ABL2: variants seen among roughly 807,000 people sequenced by gnomAD.
The protein encoded by ABL2 is tyrosine-protein kinase ABL2.
ABL2 carries 49 observed loss-of-function variants against 107.7 expected under a neutral mutation model. The observed-to-expected ratio is 0.45, with a 90% CI of 0.36 to 0.58. The LOEUF (loss-of-function observed/expected upper bound fraction) is 0.58, where lower values mean the gene tolerates loss of function less well. ABL2 is among the 20% of genes least tolerant of loss of function. The pLI, the probability that ABL2 is intolerant of heterozygous loss-of-function variation, is 0.00. For missense variants in ABL2, 1,245 were observed against 1,457.0 expected (o/e 0.85, Z 2.37); for synonymous variants, 549 against 548.6 (o/e 1.00, Z -0.01).
intron 4 of ABL2, among the ~76,000 whole-genome samples, chr1:179,122,725 C>T (rs1218165637): frequency 6.6e-6 from 1 of 152,048 alleles, no homozygotes; most frequent in Non-Finnish European, 1.5e-5. Flanking sequence ...ATGACCTCAG[C>T]TCACTGCAAC....
intron 10 of ABL2, 64 bp from the exon 11 acceptor site, chr1:179,110,519 T>A: frequency 6.5e-7 from 1 of 1,546,984 alleles, no homozygotes; most frequent in Non-Finnish European, 8.7e-7. Flanking sequence ...GGAGTTCTTT[T>A]CAGAAAAGGC....
chr1:179,101,472 G>C lies in ABL2; in HGVS notation c.*6246C>G. ...GCTCACTGCAACCTCCGCCTCCTGG[G>C]TTCAAGCAATTCTGCCTCAGCCTCG... On this transcript the variant is annotated 3_prime_UTR_variant, in exon 12 of 12. Transcript: ENST00000502732. 1 of 177,592 alleles carries C rather than the reference G, an allele frequency of 5.6e-6. No individual in the cohort carries two copies. Among genetic ancestry groups the C allele is most frequent in the Non-Finnish European group, 1.2e-5 (1 of 82,802 alleles). The allele number at this position is 177,592 out of a possible 1,614,324, so 11.0% of individuals were successfully genotyped here.
At chr1:179,183,066 G>A (rs1660472075) in intron 1 of ABL2, among the ~76,000 whole-genome samples, 1 of 152,048 alleles carries the variant, frequency 6.6e-6, no homozygotes, top group Non-Finnish European at 1.5e-5. Context: ...CCAGGCCAGA[G>A]TGCAGTGGCA....
intron 1 of ABL2, among the ~76,000 whole-genome samples, chr1:179,216,046 TC>T (rs1022655668): frequency 5.9e-5 from 9 of 152,210 alleles, no homozygotes; most frequent in Non-Finnish European, 1.3e-4. Flanking sequence ...TTTGAACACT[TC>T]TTCTCCCTAG....
chr1:179,184,827 T>C (rs1660591386), intron 1 of ABL2, among the ~76,000 whole-genome samples: 1 of 152,172 alleles, frequency 6.6e-6, no homozygotes, highest in Non-Finnish European at 1.5e-5. Flanking sequence ...TACACCATGA[T>C]TCTCAACTTA....
At chr1:179,199,582 T>C (rs899790735) in intron 1 of ABL2, among the ~76,000 whole-genome samples, 4 of 152,204 alleles carry the variant, frequency 2.6e-5, no homozygotes, top group African/African-American at 7.2e-5. Context: ...TGGTAGAAGT[T>C]TTATATACAG....
At chr1:179,165,019 T>C (rs1337863306) in intron 1 of ABL2, among the ~76,000 whole-genome samples, 1 of 152,144 alleles carries the variant, frequency 6.6e-6, no homozygotes, top group Admixed American at 6.5e-5. Flanking sequence ...TAGTAGAAGT[T>C]AGGTGAATGT....
At chr1:179,204,696 A>G (rs577786222) in intron 1 of ABL2, among the ~76,000 whole-genome samples, 1 of 152,136 alleles carries the variant, frequency 6.6e-6, no homozygotes, top group East Asian at 2.0e-4. Context: ...ACAGTGAACC[A>G]AGATCACGCC....
intron 10 of ABL2, 102 bp downstream of exon 10, chr1:179,112,207 A>G: frequency 9.9e-7 from 1 of 1,013,006 alleles, no homozygotes. Flanking sequence ...CAGAGTCTCA[A>G]ACTCCACAAA....
chr1:179,171,727 T>C (rs1025106623), intron 1 of ABL2, among the ~76,000 whole-genome samples: 4 of 152,192 alleles, frequency 2.6e-5, no homozygotes, highest in Non-Finnish European at 5.9e-5. Flanking sequence ...TCTCACTCTG[T>C]TGTCCAAACC....
Position 179,102,692 on chromosome 1 carries a change from G to A in ABL2, c.*5026C>T, listed in dbSNP as rs1161072648. On this transcript the variant is annotated 3_prime_UTR_variant, in exon 12 of 12. Coordinates refer to ENST00000502732, the MANE Select transcript of ABL2 (RefSeq NM_007314.4). ...AATATGAACTCCTGGTAGGGGCACA[G>A]CCTGATAACAAGAATGACATCAGTA... The A allele has an allele frequency of 4.3e-6, 1 of 230,358 alleles. No homozygotes were observed. Among genetic ancestry groups the A allele is most frequent in the Non-Finnish European group, 8.6e-6 (1 of 116,362 alleles). The allele number at this position is 230,358 out of a possible 1,614,324, so 14.3% of individuals were successfully genotyped here. A position where few individuals can be genotyped will look rare whatever the true frequency, so the allele number is the denominator to read the frequency against.
chr1:179,134,731 TC>T (rs1656682091), intron 1 of ABL2, among the ~76,000 whole-genome samples: 1 of 128,000 alleles, frequency 7.8e-6, no homozygotes, highest in African/African-American at 2.8e-5. Context: ...TCCCTCTCCC[TC>T]TCCACGGTCG....
intron 1 of ABL2, among the ~76,000 whole-genome samples, chr1:179,133,859 T>A (rs920083030): frequency 1.3e-5 from 2 of 152,170 alleles, no homozygotes; most frequent in African/African-American, 4.8e-5. Flanking sequence ...TAACAATATA[T>A]TGTAATAAAA....
intron 9 of ABL2, among the ~76,000 whole-genome samples, chr1:179,114,530 A>AC (rs11369185): frequency 0.69 from 105,578 of 152,076 alleles, 37,484 homozygotes; most frequent in African/African-American, 0.85. Flanking sequence ...CTGTTTATCT[A>AC]CACAGAGGTT....
chr1:179,209,342 C>G (rs1415229742), intron 1 of ABL2, among the ~76,000 whole-genome samples: 2 of 152,204 alleles, frequency 1.3e-5, no homozygotes, highest in Non-Finnish European at 2.9e-5. Context: ...CTCTGTCCAT[C>G]AGACTTCTAC....
rs917080487 is a variant in ABL2 at position 179,131,218 on chromosome 1, A to G, written c.391+93T>C. Reference sequence around the variant, plus strand: ...CTTGGCCTCCCAAAGTGCTGAGATTATAGGTGTGAGCCACTGTGCCTGGCC... The same window carrying G: ...CTTGGCCTCCCAAAGTGCTGAGATTGTAGGTGTGAGCCACTGTGCCTGGCC... On this transcript the variant is annotated intron_variant, in intron 3 of 11. Transcript: ENST00000502732. 2.5e-5 allele frequency: 35 copies of G among 1,387,272 alleles called. No homozygotes were observed. In the East Asian group the frequency reaches 7.8e-4, roughly 31 times the overall value. The allele number at this position is 1,387,272 out of a possible 1,614,324, so 85.9% of individuals were successfully genotyped here.
chr1:179,159,876 G>A (rs189381853), intron 1 of ABL2, among the ~76,000 whole-genome samples: 2 of 152,272 alleles, frequency 1.3e-5, no homozygotes, highest in East Asian at 3.9e-4. Context: ...CACTTTGGGA[G>A]GCCAAGGTGG....
intron 1 of ABL2, among the ~76,000 whole-genome samples, chr1:179,213,192 A>T (rs913301082): frequency 3.9e-5 from 6 of 152,140 alleles, no homozygotes; most frequent in African/African-American, 1.4e-4. Context: ...TAATCAATAT[A>T]AAAAAATTAA....
At chr1:179,197,183 C>T (rs1661365450) in intron 1 of ABL2, among the ~76,000 whole-genome samples, 1 of 151,640 alleles carries the variant, frequency 6.6e-6, no homozygotes, top group African/African-American at 2.4e-5. Context: ...TTTCTGGAAG[C>T]ACAAAAAATT....
Sources: gnomAD v4.1 joint callset for allele counts (sites outside exome capture counted in the v4.1 genomes callset) on GRCh38, gnomAD v4.1.1 for gene constraint, MANE v1.5 for transcripts, NCBI Gene and HGNC (gene_info 2026-07-23, HGNC 2026-07-21) for gene names.